Variants in CFAP92 observed in about 807,000 individuals in gnomAD.
CFAP92 encodes the protein cilia and flagella associated protein 92 (putative), also known as uncharacterized protein CFAP92.
Under a neutral mutation model 106.3 loss-of-function variants are expected in CFAP92, and 86 were observed. The observed-to-expected ratio is 0.81, with a 90% CI of 0.68 to 0.97. The LOEUF (loss-of-function observed/expected upper bound fraction) is 0.97, where lower values mean the gene tolerates loss of function less well. Among genes scored for constraint, CFAP92 ranks in the 50% least tolerant of loss-of-function variants. The probability of loss-of-function intolerance (pLI) is 0.00; values close to 1 mark genes in which losing one functional copy is unlikely to be tolerated. For synonymous variants in CFAP92, 477 were observed against 506.4 expected (o/e 0.94, Z 0.78); for missense variants, 1,204 against 1,283.8 (o/e 0.94, Z 0.95).
the CFAP92 span, among the ~76,000 whole-genome samples, chr3:129,023,353 G>C: frequency 2.1e-5 from 3 of 145,102 alleles, no homozygotes; most frequent in Admixed American, 1.4e-4. Flanking sequence ...GTCTTGCTCA[G>C]TCACCCAGGC....
At chr3:128,915,700 T>G (rs1936756724) in intron 13 of CFAP92, 137 bp from the exon 14 acceptor site, 1 of 646,024 alleles carries the variant, frequency 1.5e-6, no homozygotes, top group Non-Finnish European at 2.6e-6. Context: ...AGGAAATGAC[T>G]GTGCAGTAGC....
intron 4 of CFAP92, among the ~76,000 whole-genome samples, chr3:128,984,929 A>G (rs1045579999): frequency 1.3e-5 from 2 of 152,238 alleles, no homozygotes; most frequent in African/African-American, 4.8e-5. Context: ...TTACGTGAGA[A>G]AAGGCAGGAC....
In CFAP92 at chr3:128,988,828, T is replaced by G; in HGVS notation, c.353A>C (p.His118Pro). ...SSVTKMRRFY[H>P]IEYFLLPDDE... ...GTCCGGCAGAAGGAAATACTCAATG[T>G]GGTAAAAACGACGCATCTTTGTAAC... is the stretch of plus-strand genomic sequence containing the variant. Residue 118 changes from histidine (H) to proline (P), a missense_variant, in exon 3 of 16, where the codon CAC (histidine) becomes CCC (proline). His to Pro is a moderately conservative substitution (Grantham distance 77, BLOSUM62 -2). Coordinates refer to ENST00000645291, the MANE Select transcript of CFAP92 (RefSeq NM_001394090.1). 6.2e-7 allele frequency: 1 copy of G among 1,613,954 alleles called. No individual in the cohort carries two copies. The highest frequency in any genetic ancestry group is 8.5e-7 in the Non-Finnish European group (1 of 1,179,820).
intron 9 of CFAP92, among the ~76,000 whole-genome samples, chr3:128,951,879 T>C (rs1390459735): frequency 6.6e-6 from 1 of 152,102 alleles, no homozygotes; most frequent in Non-Finnish European, 1.5e-5. Flanking sequence ...AAAGACCTGG[T>C]GGGGAGCCAG....
At chr3:128,948,781 T>C (rs1375380483) in intron 9 of CFAP92, among the ~76,000 whole-genome samples, 1 of 143,686 alleles carries the variant, frequency 7.0e-6, no homozygotes. Flanking sequence ...CCGCCCGCCT[T>C]AGCCTCCCAA....
intron 1 of CFAP92, chr3:129,002,155 T>G: frequency 6.8e-7 from 1 of 1,471,148 alleles, no homozygotes; most frequent in Non-Finnish European, 8.9e-7. Flanking sequence ...CAGATCCGCC[T>G]GCGCCGTCCG....
Position 128,924,506 on chromosome 3 carries a change from G to A in CFAP92, c.2751+8194C>T, listed in dbSNP as rs550289531. On this transcript the variant is annotated intron_variant, in intron 12 of 15. Coordinates refer to ENST00000645291, the MANE Select transcript of CFAP92 (RefSeq NM_001394090.1). ...GTTGCCCAGGCTGGAGTGCAATGGC[G>A]CGATCTTGGCTCACTGCAACCTCCA... Among the ~76,000 whole-genome samples the A allele has an allele frequency of 4.4e-4, 60 of 135,406 alleles. 1 individual carries two copies. The South Asian group carries it at 6.9e-3, about 16-fold the overall frequency. 88.8% of individuals were successfully genotyped at this position (135,406 alleles called of 152,430 possible).
At chr3:129,002,098 C>A in intron 1 of CFAP92, 1 of 1,506,322 alleles carries the variant, frequency 6.6e-7, no homozygotes, top group Non-Finnish European at 8.9e-7. Flanking sequence ...GGCACCCGTG[C>A]GGGGCCCCGG....
the CFAP92 span, among the ~76,000 whole-genome samples, chr3:129,018,163 CT>C: frequency 6.6e-6 from 1 of 152,162 alleles, no homozygotes; most frequent in South Asian, 2.1e-4. Context: ...GAGGTGCTGG[CT>C]GGCCTTGGGA....
chr3:128,965,392 C>T (rs72977152), intron 9 of CFAP92, 119 bp downstream of exon 9: 6 of 397,168 alleles, frequency 1.5e-5, no homozygotes, highest in African/African-American at 8.2e-5. Flanking sequence ...CACACGGACC[C>T]GTATGAGAAT....
chr3:128,935,431 G>T (rs975556474), intron 10 of CFAP92, 112 bp from the exon 11 acceptor site: 20 of 656,216 alleles, frequency 3.0e-5, no homozygotes, highest in Non-Finnish European at 4.1e-5. Flanking sequence ...AAACCCAGGG[G>T]CCGGGTATGG....
At chr3:129,017,844 C>A in the CFAP92 span, among the ~76,000 whole-genome samples, 1 of 152,052 alleles carries the variant, frequency 6.6e-6, no homozygotes, top group Non-Finnish European at 1.5e-5. Context: ...AACTTGGGGG[C>A]CCATTCCTAG....
At chr3:128,963,378 G>C (rs1942104450) in intron 9 of CFAP92, among the ~76,000 whole-genome samples, 1 of 152,122 alleles carries the variant, frequency 6.6e-6, no homozygotes, top group African/African-American at 2.4e-5. Context: ...TACTGTTAGA[G>C]GCCCTAAAAG....
intron 12 of CFAP92, among the ~76,000 whole-genome samples, chr3:128,923,136 TA>T (rs1206256206): frequency 6.7e-6 from 1 of 149,478 alleles, no homozygotes; most frequent in African/African-American, 2.6e-5. Context: ...GGGTTGAGGG[TA>T]TGCTTGTGTT....
chr3:129,003,464 G>A, upstream of CFAP92: 1 of 216,150 alleles, frequency 4.6e-6, no homozygotes, highest in Non-Finnish European at 7.9e-6. Flanking sequence ...GCTGAACGCC[G>A]CCAATACAGT....
At chr3:129,012,436 C>A in the CFAP92 span, among the ~76,000 whole-genome samples, 5 of 152,118 alleles carry the variant, frequency 3.3e-5, no homozygotes, top group Non-Finnish European at 4.4e-5. Context: ...CTTGTCCCTG[C>A]CTGGTTCTAC....
At chr3:128,935,559 A>G in intron 10 of CFAP92, among the ~76,000 whole-genome samples, 1 of 152,150 alleles carries the variant, frequency 6.6e-6, no homozygotes, top group East Asian at 1.9e-4. Context: ...TAAAAAATAC[A>G]AAATTAGCCG....
At chr3:128,956,347 T>C (rs574546137) in intron 9 of CFAP92, among the ~76,000 whole-genome samples, 1 of 151,790 alleles carries the variant, frequency 6.6e-6, no homozygotes, top group Non-Finnish European at 1.5e-5. Context: ...CTAATATTCA[T>C]GTCATTGGAG....
At chr3:128,911,497 G>T (rs1420707971) in intron 15 of CFAP92, among the ~76,000 whole-genome samples, 1 of 152,172 alleles carries the variant, frequency 6.6e-6, no homozygotes, top group Non-Finnish European at 1.5e-5. Context: ...GAGTGCAGTG[G>T]CATGATCTTG....
Sources: allele counts gnomAD v4.1 joint callset (sites outside exome capture counted in the v4.1 genomes callset), GRCh38; gene constraint gnomAD v4.1.1; transcripts MANE v1.5; gene names NCBI Gene and HGNC (gene_info 2026-07-23, HGNC 2026-07-21).